LOXL2: variants seen among roughly 807,000 people sequenced by gnomAD.
LOXL2 encodes lysyl oxidase like 2, also known as lysyl oxidase homolog 2.
A neutral mutation model predicts 93.0 loss-of-function variants in LOXL2; 70 were observed. The ratio of observed to expected loss-of-function variants is 0.75; its 90% CI spans 0.62 to 0.92. LOXL2 has a LOEUF of 0.92. LOXL2 is among the 40% of genes least tolerant of loss of function. The probability of loss-of-function intolerance (pLI) is 0.00; values close to 1 mark genes in which losing one functional copy is unlikely to be tolerated. For missense variants in LOXL2, 973 were observed against 1,054.9 expected (o/e 0.92, Z 1.08); for synonymous variants, 438 against 413.2 (o/e 1.06, Z -0.73).
At chr8:23,386,007 C>A (rs1173088437) in intron 1 of LOXL2, 1 of 765,174 alleles carries the variant, frequency 1.3e-6, no homozygotes, top group East Asian at 2.4e-5. Flanking sequence ...CAGCTTTGGA[C>A]AACCCCCTGA....
rs1387887986 is a variant in LOXL2, at chr8:23,381,146, G to A, written c.-83-12712C>T. Among the ~76,000 whole-genome samples, 5 of 144,768 alleles carry A rather than the reference G, an allele frequency of 3.5e-5. No individual in the cohort carries two copies. The Admixed American group carries it at 3.5e-4, about 10-fold the overall frequency. The allele number at this position is 144,768 out of a possible 152,430, so 95.0% of individuals were successfully genotyped here. A position where few individuals can be genotyped will look rare whatever the true frequency, so the allele number is the denominator to read the frequency against. On this transcript the variant is annotated intron_variant, in intron 1 of 13. Coordinates refer to ENST00000389131, the MANE Select transcript of LOXL2 (RefSeq NM_002318.3). Reference sequence around the variant, plus strand: ...TTTAAAAATTGGAATCATTTTCTACGTATTGCTTTGTAAACTGCTTTTCAC... The same window carrying A: ...TTTAAAAATTGGAATCATTTTCTACATATTGCTTTGTAAACTGCTTTTCAC...
In LOXL2 at chr8:23,297,848, G is replaced by A. The variant is rs1803062038; in HGVS notation, c.*195C>T. The stretch of plus-strand genomic sequence containing the variant: ...CGCAAGGCCTTCTCAGGCCCCAAGG[G>A]TCAGGTAGCAGCCCCCCATGAATGA... On this transcript the variant is annotated 3_prime_UTR_variant, in exon 14 of 14. Transcript: ENST00000389131. 7.2e-6 allele frequency: 4 copies of A among 557,164 alleles called. No homozygotes were observed. The highest frequency in any genetic ancestry group is 1.3e-5 in the Non-Finnish European group (4 of 312,626). The allele number at this position is 557,164 out of a possible 1,614,324, so 34.5% of individuals were successfully genotyped here. A position where few individuals can be genotyped will look rare whatever the true frequency, so the allele number is the denominator to read the frequency against.
chr8:23,363,091 C>A (rs551695563), intron 2 of LOXL2: 5 of 152,216 alleles, frequency 3.3e-5, no homozygotes, highest in Non-Finnish European at 5.9e-5. Context: ...GTGCCTGGTA[C>A]GCTTTCAACC....
At chr8:23,333,247 C>T (rs991046568) in intron 5 of LOXL2, among the ~76,000 whole-genome samples, 154 bp downstream of exon 5, 5 of 152,176 alleles carry the variant, frequency 3.3e-5, no homozygotes, top group Admixed American at 6.5e-5. Flanking sequence ...TCCTTCTCTG[C>T]AGAGGGCGCT....
At chr8:23,341,253 G>C (rs1563195923) in intron 3 of LOXL2, 50 bp from the exon 4 acceptor site, 1 of 1,438,466 alleles carries the variant, frequency 7.0e-7, no homozygotes, top group South Asian at 1.1e-5. Flanking sequence ...TGGCCTGGCT[G>C]CAGAGACACC....
chr8:23,314,521 TTC>T (rs1803362513), intron 9 of LOXL2, among the ~76,000 whole-genome samples: 2 of 133,392 alleles, frequency 1.5e-5, no homozygotes, highest in African/African-American at 5.4e-5. Flanking sequence ...GAAATCATCA[TTC>T]TCAGTAAACT....
At chr8:23,319,845 AT>A (rs773697849) in intron 8 of LOXL2, 39 bp downstream of exon 8, 66 of 1,600,330 alleles carry the variant, frequency 4.1e-5, no homozygotes, top group Non-Finnish European at 5.6e-5. Context: ...GTCAGACTGC[AT>A]GGGGGGTGAA....
In LOXL2 at chr8:23,333,526, C is replaced by G. The variant is rs1292275148; in HGVS notation, c.841G>C (p.Val281Leu). The G allele has an allele frequency of 6.2e-7, 1 of 1,614,006 alleles. No homozygotes were observed. The highest frequency in any genetic ancestry group is 2.2e-5 in the East Asian group (1 of 44,896). ...HISSCKLGPQ[V>L]SLDPMKNVTC... is the part of the protein sequence containing the mutation. Reference sequence around the variant, plus strand: ...ACATTCTTCATGGGGTCCAGTGACACCTGGGGGCCCAGCTTGCAGCTGGAG... The same window carrying G: ...ACATTCTTCATGGGGTCCAGTGACAGCTGGGGGCCCAGCTTGCAGCTGGAG... Residue 281 changes from valine (V) to leucine (L), a missense_variant, in exon 5 of 14, where the codon GTG becomes CTG. Coordinates refer to ENST00000389131, the MANE Select transcript of LOXL2 (RefSeq NM_002318.3).
At chr8:23,366,393 A>G (rs1306177614) in intron 2 of LOXL2, among the ~76,000 whole-genome samples, 1 of 152,218 alleles carries the variant, frequency 6.6e-6, no homozygotes, top group East Asian at 1.9e-4. Flanking sequence ...CCAAAAGGAA[A>G]TTTTCAATTG....
intron 1 of LOXL2, among the ~76,000 whole-genome samples, chr8:23,388,837 C>T (rs989067844): frequency 6.6e-6 from 1 of 152,008 alleles, no homozygotes; most frequent in Non-Finnish European, 1.5e-5. Context: ...GACTTTTAAG[C>T]AGGGCTTGTA....
At position 23,302,097 on chromosome 8, in the gene LOXL2, A is replaced by G. The variant is rs369164898; in HGVS notation, c.2063T>C (p.Met688Thr). The change falls in exon 12 of 14, where the codon ATG (methionine) becomes ACG (threonine). Residue 688 changes from methionine to threonine, a missense_variant. Coordinates refer to ENST00000389131, the MANE Select transcript of LOXL2 (RefSeq NM_002318.3). Reference sequence around the variant, plus strand: ...CTGGCAGTCGATGTCATGGCGGTACATGTCCCAGCAGCCCATGGTGATGCC... The same window carrying G: ...CTGGCAGTCGATGTCATGGCGGTACGTGTCCCAGCAGCCCATGGTGATGCC... ...DQGITMGCWD[M>T]YRHDIDCQWV... The G allele has an allele frequency of 1.3e-5, 21 of 1,614,004 alleles. No individual in the cohort carries two copies. Among genetic ancestry groups the G allele is most frequent in the Non-Finnish European group, 1.7e-5 (20 of 1,179,996 alleles).
At chr8:23,343,006 C>T (rs1014129678) in intron 3 of LOXL2, among the ~76,000 whole-genome samples, 34 of 152,346 alleles carry the variant, frequency 2.2e-4, no homozygotes, top group African/African-American at 7.5e-4. Context: ...CCACCTCAGC[C>T]TCCCAAAGTG....
In LOXL2 at chr8:23,390,298, G is replaced by A. The variant is rs180836778; in HGVS notation, c.-84+13656C>T. The stretch of plus-strand genomic sequence containing the variant: ...GAATGGGGTTTGCTCAGAGAATGAG[G>A]GAAGTGGCTCGGGGGCCATGGGACC... On this transcript the variant is annotated intron_variant, in intron 1 of 13. Coordinates refer to ENST00000389131, the MANE Select transcript of LOXL2 (RefSeq NM_002318.3). Among the ~76,000 whole-genome samples the A allele has an allele frequency of 7.2e-5, 11 of 152,322 alleles. No individual in the cohort carries two copies. The East Asian group carries it at 2.1e-3, about 29-fold the overall frequency.
In LOXL2 at chr8:23,368,479, G is replaced by A. The variant is rs760651970; in HGVS notation, c.-83-45C>T. 13 of 752,596 alleles carry A rather than the reference G, an allele frequency of 1.7e-5. 1 individual carries two copies. The highest frequency in any genetic ancestry group is 2.9e-5 in the Non-Finnish European group (13 of 443,194). 46.6% of individuals were successfully genotyped at this position (752,596 alleles called of 1,614,324 possible). On this transcript the variant is annotated intron_variant, in intron 1 of 13. Transcript: ENST00000389131. The stretch of plus-strand genomic sequence containing the variant: ...CGTTAGGATGGGAACGTGGGGCTAC[G>A]GAGACCTACATAGAGAACCAGCGAT...
At chr8:23,358,313 C>T (rs1278121418) in intron 3 of LOXL2, among the ~76,000 whole-genome samples, 1 of 152,230 alleles carries the variant, frequency 6.6e-6, no homozygotes, top group African/African-American at 2.4e-5. Flanking sequence ...AAATCCTTTC[C>T]TATGCTATAC....
In LOXL2 at chr8:23,307,953, G is replaced by GAAAAAA. The variant is rs1554475672; in HGVS notation, c.1880+1709_1880+1714dup. ...GTGACTAGGTCATCAGCTGCGATAT[G>GAAAAAA]AAAAAAAAAAAAAAAAAAAAGCCAA... On this transcript the variant is annotated intron_variant, in intron 10 of 13. Coordinates refer to ENST00000389131, the MANE Select transcript of LOXL2 (RefSeq NM_002318.3). Among the ~76,000 whole-genome samples, 4 of 83,556 alleles carry GAAAAAA rather than the reference G, an allele frequency of 4.8e-5. No individual in the cohort carries two copies. In the East Asian group the frequency reaches 1.4e-3, roughly 29 times the overall value. The allele number at this position is 83,556 out of a possible 152,430, so 54.8% of individuals were successfully genotyped here.
At chr8:23,348,596 G>T (rs769403498) in intron 3 of LOXL2, among the ~76,000 whole-genome samples, 36 of 151,660 alleles carry the variant, frequency 2.4e-4, no homozygotes, top group Non-Finnish European at 4.1e-4. Flanking sequence ...CAGTGGCCTC[G>T]GCCGGGTGCG....
At chr8:23,318,206 C>T (rs1298157437) in intron 8 of LOXL2, among the ~76,000 whole-genome samples, 3 of 150,848 alleles carry the variant, frequency 2.0e-5, no homozygotes, top group Admixed American at 2.0e-4. Flanking sequence ...AACCTGAGGC[C>T]TCCCAAGGAA....
rs1204696253 is a variant in LOXL2 at position 23,341,019 on chromosome 8, T to C, written c.716A>G (p.Glu239Gly). 1 of 1,614,022 alleles carries C rather than the reference T, an allele frequency of 6.2e-7. No individual in the cohort carries two copies. The highest frequency in any genetic ancestry group is 8.5e-7 in the Non-Finnish European group (1 of 1,180,030). The change falls in exon 4 of 14, where the codon GAG becomes GGG. Residue 239 changes from glutamate (E) to glycine (G), a missense_variant. By Grantham distance (98) the Glu-to-Gly change is moderately conservative. Coordinates refer to ENST00000389131, the MANE Select transcript of LOXL2 (RefSeq NM_002318.3). Reference sequence around the variant, plus strand: ...GTACACTTTGGTATTGTATGTCCTCTCCCCAGGGAAGCCAAACATGCCGCA... The same window carrying C: ...GTACACTTTGGTATTGTATGTCCTCCCCCCAGGGAAGCCAAACATGCCGCA... Reference protein sequence around the residue: ...VVCGMFGFPGERTYNTKVYKM... With the variant: ...VVCGMFGFPGGRTYNTKVYKM...
Sources: allele counts gnomAD v4.1 joint callset (sites outside exome capture counted in the v4.1 genomes callset), GRCh38; gene constraint gnomAD v4.1.1; transcripts MANE v1.5; gene names NCBI Gene and HGNC (gene_info 2026-07-23, HGNC 2026-07-21).